GABPB1: variants seen among roughly 807,000 people sequenced by gnomAD.
GABPB1 encodes GA-binding protein subunit beta-1.
In GABPB1, 15 loss-of-function variants were observed where a neutral mutation model predicts 45.9. That is an observed-to-expected ratio of 0.33 (90% CI 0.22 to 0.50). GABPB1 has a LOEUF of 0.50. Among genes scored for constraint, GABPB1 ranks in the 20% least tolerant of loss-of-function variants. The probability of loss-of-function intolerance (pLI) is 0.98; values close to 1 mark genes in which losing one functional copy is unlikely to be tolerated. For missense variants in GABPB1, 252 were observed against 457.5 expected (o/e 0.55, Z 4.10); for synonymous variants, 143 against 154.4 (o/e 0.93, Z 0.55).
chr15:50,327,535 T>C (rs1177347984), intron 1 of GABPB1, among the ~76,000 whole-genome samples: 1 of 152,180 alleles, frequency 6.6e-6, no homozygotes, highest in Non-Finnish European at 1.5e-5. Flanking sequence ...AAGACATACG[T>C]CTCATGATTC....
Position 50,298,652 on chromosome 15 carries a change from A to C in GABPB1, c.697+2137T>G, listed in dbSNP as rs1479333319. 2.0e-5 allele frequency among the ~76,000 whole-genome samples: 3 copies of C among 152,160 alleles called. No homozygotes were observed. The South Asian group carries it at 6.2e-4, about 31-fold the overall frequency. ...TGCTACAGAAGCTAAAGAATGGATA[A>C]ATGTTATTTTCAAAAAGAGGCTGGG... On this transcript the variant is annotated intron_variant, in intron 6 of 8. Transcript: ENST00000380877.
chr15:50,311,981 T>C (rs901242241), intron 1 of GABPB1, among the ~76,000 whole-genome samples: 2 of 152,130 alleles, frequency 1.3e-5, no homozygotes, highest in Non-Finnish European at 2.9e-5. Context: ...GATATACATA[T>C]CCCAAACAGG....
rs368350590 is a variant in GABPB1 at position 50,281,427 on chromosome 15, G to C, written c.1000-2643C>G. On this transcript the variant is annotated intron_variant, in intron 8 of 8. Coordinates refer to ENST00000380877, the MANE Select transcript of GABPB1 (RefSeq NM_016654.5). Reference sequence around the variant, plus strand: ...GGGGTTTCACCATGTTAGCCAGGATGGTCTCAATCTCCTGACCTCGTGATC... The same window carrying C: ...GGGGTTTCACCATGTTAGCCAGGATCGTCTCAATCTCCTGACCTCGTGATC... Among the ~76,000 whole-genome samples the C allele has an allele frequency of 1.8e-4, 27 of 152,210 alleles. No individual in the cohort carries two copies. The East Asian group carries it at 2.3e-3, about 13-fold the overall frequency.
intron 1 of GABPB1, among the ~76,000 whole-genome samples, chr15:50,331,932 T>C (rs1201299992): frequency 1.3e-5 from 2 of 152,034 alleles, no homozygotes; most frequent in African/African-American, 4.8e-5. Flanking sequence ...TGGAGTGCAG[T>C]TGCATGATCT....
At chr15:50,335,070 C>T (rs1217672087) in intron 1 of GABPB1, among the ~76,000 whole-genome samples, 1 of 152,172 alleles carries the variant, frequency 6.6e-6, no homozygotes, top group African/African-American at 2.4e-5. Context: ...TTGCTTCTGA[C>T]AAGCACCTGG....
intron 1 of GABPB1, among the ~76,000 whole-genome samples, chr15:50,324,282 T>G (rs141508134): frequency 0.011 from 1,713 of 152,212 alleles, 31 homozygotes; most frequent in African/African-American, 0.039. Flanking sequence ...TAAATCTGAG[T>G]TACTATTGTC....
At chr15:50,327,917 C>T (rs1036226558) in intron 1 of GABPB1, among the ~76,000 whole-genome samples, 6 of 151,584 alleles carry the variant, frequency 4.0e-5, no homozygotes, top group African/African-American at 9.7e-5. Flanking sequence ...AAAAAAGATG[C>T]GCCTACTCTT....
At chr15:50,316,978 T>C (rs1029189336) in intron 1 of GABPB1, among the ~76,000 whole-genome samples, 1 of 151,930 alleles carries the variant, frequency 6.6e-6, no homozygotes, top group Admixed American at 6.6e-5. Flanking sequence ...TCAGTACAGA[T>C]CTCTAAAAGA....
In GABPB1 at chr15:50,276,420, G is replaced by T. The variant is rs943270938; in HGVS notation, c.*2212C>A. On this transcript the variant is annotated 3_prime_UTR_variant, in exon 9 of 9. Transcript: ENST00000380877. ...ACAGAACAGTAAATCAGATGTAAAT[G>T]ATTGAGAAATTATGTTATGTAACAA... 6.6e-6 allele frequency: 1 copy of T among 152,206 alleles called. No homozygotes were observed. Among genetic ancestry groups the T allele is most frequent in the Admixed American group, 6.5e-5 (1 of 15,282 alleles). The allele number at this position is 152,206 out of a possible 1,614,324, so 9.4% of individuals were successfully genotyped here.
intron 1 of GABPB1, among the ~76,000 whole-genome samples, chr15:50,316,376 T>C (rs1464763479): frequency 6.6e-6 from 1 of 152,216 alleles, no homozygotes; most frequent in Non-Finnish European, 1.5e-5. Context: ...AGGAAAACTC[T>C]ATAAAAGCAT....
intron 8 of GABPB1, 86 bp from the exon 9 acceptor site, chr15:50,278,870 A>C (rs1466911661): frequency 7.3e-6 from 8 of 1,097,614 alleles, no homozygotes; most frequent in Non-Finnish European, 8.7e-6. Context: ...AAATTAAAAA[A>C]AAAAACCGTA....
Position 50,331,952 on chromosome 15 carries a change from G to A in GABPB1, c.1-22154C>T, listed in dbSNP as rs557282991. Among the ~76,000 whole-genome samples the A allele has an allele frequency of 1.1e-4, 16 of 150,900 alleles. No individual in the cohort carries two copies. In the South Asian group the frequency reaches 1.5e-3, roughly 14 times the overall value. On this transcript the variant is annotated intron_variant, in intron 1 of 8. Coordinates refer to ENST00000380877, the MANE Select transcript of GABPB1 (RefSeq NM_016654.5). The stretch of plus-strand genomic sequence containing the variant: ...TGCAGTTGCATGATCTCTGCTCACT[G>A]CAACCTCCACCTCCTGGGTTCAAGC...
chr15:50,289,527 C>G lies in GABPB1; in HGVS notation c.839G>C (p.Gly280Ala). Residue 280 changes from glycine to alanine, a missense_variant, in exon 7 of 9, where the codon GGA becomes GCA. Gly to Ala is a moderately conservative substitution (Grantham distance 60, BLOSUM62 0). Around this residue, in one of 4 missense-constraint regions of GABPB1, gnomAD observed 193 missense variants for 259.9 expected, o/e 0.74. Transcript: ENST00000380877. ...GGTCACAATGATGGGCTGACCAATT[C>G]CACTGGTTGGAATAGAGTGCAAATT... ...LGNLHSIPTS[G>A]IGQPIIVTMP... 1 of 1,613,292 alleles carries G rather than the reference C, an allele frequency of 6.2e-7. No individual in the cohort carries two copies. The highest frequency in any genetic ancestry group is 8.5e-7 in the Non-Finnish European group (1 of 1,179,756).
chr15:50,299,706 C>T (rs1309524954), intron 6 of GABPB1, among the ~76,000 whole-genome samples: 2 of 152,080 alleles, frequency 1.3e-5, no homozygotes, highest in East Asian at 3.9e-4. Flanking sequence ...GCCAGGTAAC[C>T]CTTTAACAGT....
At chr15:50,293,387 A>T (rs1423041144) in intron 6 of GABPB1, among the ~76,000 whole-genome samples, 2 of 152,238 alleles carry the variant, frequency 1.3e-5, no homozygotes, top group Admixed American at 6.5e-5. Context: ...ATCACAATAC[A>T]AACCACAGAA....
At chr15:50,307,603 G>A (rs1026087183) in intron 2 of GABPB1, among the ~76,000 whole-genome samples, 64 of 151,814 alleles carry the variant, frequency 4.2e-4, no homozygotes, top group African/African-American at 1.5e-3. Flanking sequence ...TTGGGAGGCT[G>A]AGGCAGGAGA....
At chr15:50,330,993 T>C (rs1306857229) in intron 1 of GABPB1, among the ~76,000 whole-genome samples, 1 of 152,130 alleles carries the variant, frequency 6.6e-6, no homozygotes, top group Non-Finnish European at 1.5e-5. Flanking sequence ...ACAAAAGGCC[T>C]CTCTGAGGAG....
chr15:50,298,793 A>T (rs953431225), intron 6 of GABPB1, among the ~76,000 whole-genome samples: 2 of 152,126 alleles, frequency 1.3e-5, no homozygotes, highest in Non-Finnish European at 2.9e-5. Flanking sequence ...CCCTACTAAA[A>T]ATACAAAAAA....
chr15:50,317,083 T>C (rs1449934833), intron 1 of GABPB1, among the ~76,000 whole-genome samples: 8 of 152,064 alleles, frequency 5.3e-5, no homozygotes, highest in African/African-American at 1.7e-4. Context: ...AAGTTGTATA[T>C]ATACCATGAT....
Sources: allele counts gnomAD v4.1 joint callset (sites outside exome capture counted in the v4.1 genomes callset), GRCh38; gene constraint gnomAD v4.1.1; regional missense constraint gnomAD v4.1.1; transcripts MANE v1.5; gene names NCBI Gene and HGNC (gene_info 2026-07-23, HGNC 2026-07-21).